The following DPYSL3 variants were observed in gnomAD, a reference collection of about 807,000 sequenced individuals.
DPYSL3 encodes dihydropyrimidinase-related protein 3.
DPYSL3 carries 16 observed loss-of-function variants against 66.1 expected under a neutral mutation model. The observed-to-expected ratio is 0.24, with a 90% CI of 0.16 to 0.37. The LOEUF (loss-of-function observed/expected upper bound fraction) is 0.37, where lower values mean the gene tolerates loss of function less well. DPYSL3 is among the 10% of genes least tolerant of loss of function. DPYSL3 has a pLI of 1.00. For missense variants in DPYSL3, 738 were observed against 916.2 expected (o/e 0.81, Z 2.51); for synonymous variants, 338 against 345.1 (o/e 0.98, Z 0.23).
At chr5:147,469,735 A>C (rs1013344960) in intron 1 of DPYSL3, among the ~76,000 whole-genome samples, 1 of 152,160 alleles carries the variant, frequency 6.6e-6, no homozygotes, top group African/African-American at 2.4e-5. Context: ...GACCCCAAAG[A>C]GGTCACCCAT....
Position 147,505,538 on chromosome 5 carries a change from T to C in DPYSL3, c.381+3940A>G, listed in dbSNP as rs190227526. Among the ~76,000 whole-genome samples the C allele has an allele frequency of 9.3e-4, 142 of 152,348 alleles. 2 individuals carry two copies. The highest frequency in any genetic ancestry group is 3.3e-3 in the African/African-American group (138 of 41,574). On this transcript the variant is annotated intron_variant, in intron 1 of 13. Coordinates refer to ENST00000343218, the MANE Select transcript of DPYSL3 (RefSeq NM_001197294.2). ...GGCGTGAGCCACCACTCCCAGCCTATTATTTTATATTTTTATTCTGTAAAC... is the reference window on the plus strand; with the variant it reads ...GGCGTGAGCCACCACTCCCAGCCTACTATTTTATATTTTTATTCTGTAAAC...
chr5:147,415,252 C>T (rs1458665133), intron 4 of DPYSL3, among the ~76,000 whole-genome samples: 1 of 152,106 alleles, frequency 6.6e-6, no homozygotes, highest in African/African-American at 2.4e-5. Context: ...CTAAGGATGC[C>T]ATTGTTATAT....
At chr5:147,402,378 C>T (rs547692274) in intron 8 of DPYSL3, among the ~76,000 whole-genome samples, 1 of 124,882 alleles carries the variant, frequency 8.0e-6, no homozygotes, top group Admixed American at 7.6e-5. Flanking sequence ...GACGGAGTCT[C>T]GCTCTGTCGC....
chr5:147,404,157 C>T (rs377742004), intron 8 of DPYSL3, among the ~76,000 whole-genome samples: 11 of 152,194 alleles, frequency 7.2e-5, no homozygotes, highest in Non-Finnish European at 1.5e-4. Context: ...GAGTGAGGAG[C>T]ACTGGGCTGC....
At position 147,492,505 on chromosome 5, in the gene DPYSL3, T is replaced by C. The variant is rs566294086; in HGVS notation, c.381+16973A>G. Among the ~76,000 whole-genome samples, 7 of 152,196 alleles carry C rather than the reference T, an allele frequency of 4.6e-5. No individual in the cohort carries two copies. In the South Asian group the frequency reaches 1.4e-3, roughly 32 times the overall value. ...TCTGCTTCTGTATAATTGAAATAAATGAAAGTGATGATACAAGAGATAGGA... is the reference window on the plus strand; with the variant it reads ...TCTGCTTCTGTATAATTGAAATAAACGAAAGTGATGATACAAGAGATAGGA... On this transcript the variant is annotated intron_variant, in intron 1 of 13. Transcript: ENST00000343218.
At chr5:147,468,992 C>T (rs989278277) in intron 1 of DPYSL3, among the ~76,000 whole-genome samples, 2 of 152,124 alleles carry the variant, frequency 1.3e-5, no homozygotes, top group African/African-American at 4.8e-5. Context: ...ACAATGTACG[C>T]TATTTTCCAC....
intron 1 of DPYSL3, among the ~76,000 whole-genome samples, chr5:147,494,322 TTAAAG>T (rs1753463707): frequency 1.3e-5 from 2 of 151,856 alleles, no homozygotes; most frequent in African/African-American, 2.4e-5. Flanking sequence ...GAAGAGCAAA[TTAAAG>T]TAAGCAGAAG....
At chr5:147,420,057 G>A (rs1010559537) in intron 2 of DPYSL3, among the ~76,000 whole-genome samples, 4 of 152,128 alleles carry the variant, frequency 2.6e-5, no homozygotes, top group East Asian at 1.9e-4. Context: ...AACGAAGGCC[G>A]CATTAATCCC....
chr5:147,431,509 G>T (rs890712949), intron 1 of DPYSL3, among the ~76,000 whole-genome samples: 1 of 151,994 alleles, frequency 6.6e-6, no homozygotes, highest in Non-Finnish European at 1.5e-5. Context: ...GTTGAACTCT[G>T]CTTGGCACAC....
intron 1 of DPYSL3, among the ~76,000 whole-genome samples, chr5:147,489,441 A>T (rs1350423821): frequency 6.6e-6 from 1 of 152,218 alleles, no homozygotes; most frequent in Non-Finnish European, 1.5e-5. Context: ...TTGTATGATT[A>T]TAGGAAATTG....
At chr5:147,493,291 G>A (rs1421748903) in intron 1 of DPYSL3, among the ~76,000 whole-genome samples, 1 of 152,168 alleles carries the variant, frequency 6.6e-6, no homozygotes. Context: ...ACAGATCATG[G>A]GCAGGACGTG....
rs1289014256 is a variant in DPYSL3, at chr5:147,509,159, C to T, written c.381+319G>A. ...GAGAGAAGAGCTGGAAATCACTAAG[C>T]CTTCCCGGGCTGACACACCCACCCA... On this transcript the variant is annotated intron_variant, in intron 1 of 13. Transcript: ENST00000343218. The surrounding 1 kb of genome is among the most constrained non-coding windows in gnomAD (Gnocchi z 5.3). 6.6e-6 allele frequency among the ~76,000 whole-genome samples: 1 copy of T among 152,192 alleles called. No individual in the cohort carries two copies. The highest frequency in any genetic ancestry group is 1.5e-5 in the Non-Finnish European group (1 of 68,042).
At chr5:147,479,779 T>A (rs1352041810) in intron 1 of DPYSL3, among the ~76,000 whole-genome samples, 1 of 152,128 alleles carries the variant, frequency 6.6e-6, no homozygotes, top group East Asian at 1.9e-4. Context: ...AACACCCAAG[T>A]CCCACTGTAA....
chr5:147,403,878 C>T (rs1019622682), intron 8 of DPYSL3, among the ~76,000 whole-genome samples: 32 of 152,122 alleles, frequency 2.1e-4, no homozygotes, highest in African/African-American at 7.5e-4. Flanking sequence ...TAGTTCTGCT[C>T]GCCAGAGAAT....
chr5:147,403,115 G>A (rs777458132), intron 8 of DPYSL3, among the ~76,000 whole-genome samples: 1 of 152,094 alleles, frequency 6.6e-6, no homozygotes, highest in African/African-American at 2.4e-5. Flanking sequence ...AATGCGCGGG[G>A]TCTCAGTAGA....
chr5:147,398,543 A>G (rs377422921), intron 11 of DPYSL3, among the ~76,000 whole-genome samples: 11 of 152,358 alleles, frequency 7.2e-5, no homozygotes, highest in African/African-American at 2.6e-4. Context: ...ACTATTTTTA[A>G]CAACAGTGTC....
chr5:147,430,071 G>A (rs552489438), intron 1 of DPYSL3, among the ~76,000 whole-genome samples: 35 of 152,152 alleles, frequency 2.3e-4, no homozygotes, highest in African/African-American at 8.2e-4. Flanking sequence ...AACTCAGTGC[G>A]GGAGAAGGAG....
intron 1 of DPYSL3, among the ~76,000 whole-genome samples, chr5:147,479,943 C>T (rs1267884170): frequency 6.6e-6 from 1 of 152,188 alleles, no homozygotes; most frequent in Non-Finnish European, 1.5e-5. Context: ...GTATTATCCC[C>T]ATTGTACAGT....
chr5:147,395,863 A>G (rs1487393247), intron 12 of DPYSL3, 142 bp from the exon 13 acceptor site: 1 of 1,052,216 alleles, frequency 9.5e-7, no homozygotes, highest in Non-Finnish European at 1.4e-6. Context: ...GGAAGGGAGA[A>G]GTAGTATAAA....
Sources: gnomAD v4.1 joint callset for allele counts (sites outside exome capture counted in the v4.1 genomes callset) on GRCh38, gnomAD v4.1.1 for gene constraint, Gnocchi (gnomAD v3.1) non-coding constraint, MANE v1.5 for transcripts, NCBI Gene and HGNC (gene_info 2026-07-23, HGNC 2026-07-21) for gene names.